The following ALDH7A1 variants were observed in gnomAD, a reference collection of about 807,000 sequenced individuals.
ALDH7A1 encodes the protein aldehyde dehydrogenase 7 family member A1.
Under a neutral mutation model 79.9 loss-of-function variants are expected in ALDH7A1, and 63 were observed. The observed-to-expected ratio is 0.79, with a 90% CI of 0.64 to 0.97. ALDH7A1 has a LOEUF of 0.97. Ranked by LOEUF, ALDH7A1 falls within the 50% of genes least tolerant of loss-of-function variation. The pLI is 0.00. For synonymous variants in ALDH7A1, 240 were observed against 231.2 expected (o/e 1.04, Z -0.34); for missense variants, 627 against 665.2 (o/e 0.94, Z 0.63).
chr5:126,566,502 T>G (rs188901115), intron 9 of ALDH7A1, among the ~76,000 whole-genome samples: 2 of 152,198 alleles, frequency 1.3e-5, no homozygotes, highest in Non-Finnish European at 2.9e-5. Context: ...AATGCCTACA[T>G]AGTTAAACAG....
intron 4 of ALDH7A1, 63 bp downstream of exon 4, chr5:126,583,869 G>C: frequency 3.1e-6 from 4 of 1,304,236 alleles, no homozygotes; most frequent in East Asian, 2.3e-5. Flanking sequence ...TTTATATATA[G>C]AAAAGCATGA....
At chr5:126,593,675 T>C in intron 1 of ALDH7A1, 1 of 571,292 alleles carries the variant, frequency 1.8e-6, no homozygotes, top group Non-Finnish European at 3.1e-6. Context: ...AAGCAGTTAT[T>C]TTGTCTCTTT....
At chr5:126,555,835 A>C (rs1750175002) in intron 12 of ALDH7A1, 96 bp downstream of exon 12, 3 of 1,026,982 alleles carry the variant, frequency 2.9e-6, no homozygotes, top group East Asian at 5.1e-5. Flanking sequence ...CACGCCTCTC[A>C]GGAAAGGGAA....
intron 12 of ALDH7A1, chr5:126,554,693 A>G: frequency 4.9e-6 from 2 of 407,888 alleles, no homozygotes; most frequent in Middle Eastern, 7.9e-4. Context: ...GGCAGAGCCA[A>G]GTCTGTTTGC....
intron 13 of ALDH7A1, among the ~76,000 whole-genome samples, chr5:126,553,014 T>C (rs894624138): frequency 5.3e-5 from 8 of 152,192 alleles, no homozygotes; most frequent in African/African-American, 1.7e-4. Context: ...AGTGCTGAGA[T>C]TGCAGGTGTG....
At chr5:126,580,738 A>T (rs1301720209) in intron 5 of ALDH7A1, among the ~76,000 whole-genome samples, 1 of 152,178 alleles carries the variant, frequency 6.6e-6, no homozygotes, top group African/African-American at 2.4e-5. Flanking sequence ...ATACACTTCT[A>T]TCCCACCATT....
rs1751225437 is a variant in ALDH7A1 at position 126,582,935 on chromosome 5, C to T, written c.433G>A (p.Gly145Ser). The change falls in exon 5 of 18, where the codon GGT becomes AGT. Residue 145 changes from glycine (G) to serine (S), a missense_variant. Coordinates refer to ENST00000409134, the MANE Select transcript of ALDH7A1 (RefSeq NM_001182.5). Reference sequence around the variant, plus strand: ...ATATCCACATACTCCTGAACTTCACCCACACCTTCCACTAAGATTTTCCCC... The same window carrying T: ...ATATCCACATACTCCTGAACTTCACTCACACCTTCCACTAAGATTTTCCCC... ...EMGKILVEGV[G>S]EVQEYVDICD... 5 of 1,613,844 alleles carry T rather than the reference C, an allele frequency of 3.1e-6. No individual in the cohort carries two copies. Among genetic ancestry groups the T allele is most frequent in the Non-Finnish European group, 4.2e-6 (5 of 1,179,954 alleles).
intron 8 of ALDH7A1, 170 bp from the exon 9 acceptor site, chr5:126,568,526 C>A: frequency 1.5e-6 from 1 of 658,150 alleles, no homozygotes; most frequent in South Asian, 1.6e-5. Flanking sequence ...AAAAGTTTTT[C>A]ACAGGTAGAA....
chr5:126,593,226 T>C, intron 2 of ALDH7A1, 125 bp downstream of exon 2: 1 of 1,442,750 alleles, frequency 6.9e-7, no homozygotes, highest in East Asian at 2.4e-5. Flanking sequence ...TCATTTGTGA[T>C]TTTATATTAT....
At chr5:126,551,309 T>C (rs768867766) in intron 14 of ALDH7A1, among the ~76,000 whole-genome samples, 1 of 150,276 alleles carries the variant, frequency 6.7e-6, no homozygotes, top group Non-Finnish European at 1.5e-5. Context: ...CTGGAGTTTA[T>C]AACTATAGGT....
At chr5:126,580,482 T>C (rs1457519445) in intron 5 of ALDH7A1, among the ~76,000 whole-genome samples, 2 of 152,172 alleles carry the variant, frequency 1.3e-5, no homozygotes, top group Admixed American at 1.3e-4. Flanking sequence ...CATTGCTAGA[T>C]ATCTAATTAA....
Position 126,570,819 on chromosome 5 carries a change from C to T in ALDH7A1, c.736G>A (p.Ala246Thr), listed in dbSNP as rs1750744635. 1 of 1,614,034 alleles carries T rather than the reference C, an allele frequency of 6.2e-7. No individual in the cohort carries two copies. Among genetic ancestry groups the T allele is most frequent in the Non-Finnish European group, 8.5e-7 (1 of 1,179,918 alleles). The change falls in exon 8 of 18, where the codon GCA becomes ACA. Residue 246 changes from alanine to threonine, a missense_variant. Coordinates refer to ENST00000409134, the MANE Select transcript of ALDH7A1 (RefSeq NM_001182.5). ...KVLEDNKLPG[A>T]ICSLTCGGAD... ...CCACCACAAGTCAAGGAACAAATTG[C>T]ACCAGGCAGCTTGTTGTCCTCCAGA...
chr5:126,545,999 G>C (rs1223566753), intron 17 of ALDH7A1, among the ~76,000 whole-genome samples: 1 of 151,842 alleles, frequency 6.6e-6, no homozygotes, highest in Non-Finnish European at 1.5e-5. Context: ...TGTAATCTCA[G>C]CACTTTGGGA....
At chr5:126,561,033 G>T (rs1750384941) in intron 10 of ALDH7A1, 50 bp downstream of exon 10, 2 of 1,594,674 alleles carry the variant, frequency 1.3e-6, no homozygotes, top group South Asian at 1.1e-5. Flanking sequence ...TCAGGATGGC[G>T]ACTGTGGAAA....
In ALDH7A1 at chr5:126,561,176, T is replaced by C. The variant is rs1750390627; in HGVS notation, c.872-52A>G. 2.1e-6 allele frequency: 3 copies of C among 1,407,268 alleles called. No homozygotes were observed. In the South Asian group the frequency reaches 3.7e-5, roughly 17 times the overall value. 87.2% of individuals were successfully genotyped at this position (1,407,268 alleles called of 1,614,324 possible). A position where few individuals can be genotyped will look rare whatever the true frequency, so the allele number is the denominator to read the frequency against. ...AATTAATGCCTACTTCCATATTTAC[T>C]GCACACTGCTACACAGCCTAATCCC... On this transcript the variant is annotated intron_variant, in intron 9 of 17. Coordinates refer to ENST00000409134, the MANE Select transcript of ALDH7A1 (RefSeq NM_001182.5).
At chr5:126,565,391 T>C (rs1030821787) in intron 9 of ALDH7A1, among the ~76,000 whole-genome samples, 22 of 64,800 alleles carry the variant, frequency 3.4e-4, no homozygotes, top group Admixed American at 5.6e-4. Flanking sequence ...TGAGATTCCA[T>C]CTCAAAAAAA....
chr5:126,590,560 A>G (rs1426333209), intron 3 of ALDH7A1, among the ~76,000 whole-genome samples: 1 of 152,104 alleles, frequency 6.6e-6, no homozygotes, highest in African/African-American at 2.4e-5. Flanking sequence ...AAAAGAAAAA[A>G]GTATGTATGT....
chr5:126,549,110 A>C, intron 16 of ALDH7A1, among the ~76,000 whole-genome samples: 1 of 149,576 alleles, frequency 6.7e-6, no homozygotes, highest in Non-Finnish European at 1.5e-5. Context: ...AGGAATAGTC[A>C]ATCAGAGAGA....
chr5:126,552,952 G>C (rs1012033499), intron 13 of ALDH7A1, among the ~76,000 whole-genome samples: 1 of 151,296 alleles, frequency 6.6e-6, no homozygotes, highest in Non-Finnish European at 1.5e-5. Context: ...ATGTTGTCCA[G>C]GTGGGTCTTG....
Sources: gnomAD v4.1 joint callset for allele counts (sites outside exome capture counted in the v4.1 genomes callset) on GRCh38, gnomAD v4.1.1 for gene constraint, MANE v1.5 for transcripts, NCBI Gene and HGNC (gene_info 2026-07-23, HGNC 2026-07-21) for gene names.